Variants in ZNF391 observed in about 807,000 individuals in gnomAD.
ZNF391 encodes zinc finger protein 391.
For missense variants in ZNF391, 375 were observed against 425.5 expected (o/e 0.88, Z 1.04); for synonymous variants, 126 against 142.1 (o/e 0.89, Z 0.80).
chr6:27,396,958 C>T (rs1259561258), intron 1 of ZNF391, among the ~76,000 whole-genome samples: 2 of 152,120 alleles, frequency 1.3e-5, no homozygotes, highest in African/African-American at 4.8e-5. Flanking sequence ...ATTGTGACAA[C>T]CCAAAATAAC....
At chr6:27,381,129 C>T (rs1278080064) in intron 1 of ZNF391, among the ~76,000 whole-genome samples, 10 of 152,192 alleles carry the variant, frequency 6.6e-5, no homozygotes, top group Non-Finnish European at 1.5e-4. Flanking sequence ...CGGCGCTCAT[C>T]GGGGAGGCTT....
At chr6:27,397,007 G>A (rs1005572370) in intron 1 of ZNF391, among the ~76,000 whole-genome samples, 3 of 152,116 alleles carry the variant, frequency 2.0e-5, no homozygotes, top group African/African-American at 7.2e-5. Flanking sequence ...ATGCCATCTT[G>A]AGGAGCACTG....
chr6:27,400,189 G>A, intron 2 of ZNF391, 104 bp from the exon 3 acceptor site: 1 of 517,168 alleles, frequency 1.9e-6, no homozygotes, highest in Non-Finnish European at 3.3e-6. Context: ...ATATAAAGTT[G>A]CTAGTATGCA....
chr6:27,392,434 G>A (rs1761734043), intron 1 of ZNF391, among the ~76,000 whole-genome samples: 1 of 152,034 alleles, frequency 6.6e-6, no homozygotes, highest in Non-Finnish European at 1.5e-5. Flanking sequence ...TTTTATATTT[G>A]TATTAGAGAT....
At chr6:27,388,693 C>G (rs1023014040), upstream of ZNF391, 7 of 330,670 alleles carry the variant, frequency 2.1e-5, no homozygotes, top group South Asian at 1.2e-4. Flanking sequence ...CAGCACAGCC[C>G]TGCTGTAGCT....
chr6:27,375,417 T>C (rs558666829), intron 1 of ZNF391, among the ~76,000 whole-genome samples: 1 of 152,300 alleles, frequency 6.6e-6, no homozygotes, highest in East Asian at 1.9e-4. Context: ...ATAATTTGTA[T>C]GCAGTAAAGT....
intron 1 of ZNF391, among the ~76,000 whole-genome samples, chr6:27,391,969 C>T (rs1039085636): frequency 6.6e-6 from 1 of 152,176 alleles, no homozygotes; most frequent in Non-Finnish European, 1.5e-5. Context: ...GTTCTCTCCC[C>T]TTAGTCTAAG....
rs754377326 is a variant in ZNF391, at chr6:27,400,928, C to T, written c.558C>T (p.Ile186=). 8 of 1,613,932 alleles carry T rather than the reference C, an allele frequency of 5.0e-6. No individual in the cohort carries two copies. The South Asian group carries it at 5.5e-5, about 11-fold the overall frequency. ...CACATCTTAGTCTACATCAGAGAAT[C>T]CATACTGGAGAAAAACCATATGAAT... ...RSTHLSLHQR[I]HTGEKPYECS... Residue 186 remains isoleucine (I), a synonymous_variant, in exon 3 of 3, where the codon ATC becomes ATT. Transcript: ENST00000244576.
chr6:27,391,406 C>G (rs755538457), intron 1 of ZNF391, among the ~76,000 whole-genome samples: 2 of 151,932 alleles, frequency 1.3e-5, no homozygotes, highest in Non-Finnish European at 2.9e-5. Context: ...CAGGGTTTCC[C>G]CATGTTGGCC....
At chr6:27,399,756 T>C (rs1761908183) in intron 2 of ZNF391, among the ~76,000 whole-genome samples, 1 of 152,170 alleles carries the variant, frequency 6.6e-6, no homozygotes, top group South Asian at 2.1e-4. Context: ...ATACCTGAAG[T>C]ATAATAATTG....
rs750189520 is a variant in ZNF391 at position 27,401,157 on chromosome 6, T to G, written c.787T>G (p.Ser263Ala). 24 of 1,614,090 alleles carry G rather than the reference T, an allele frequency of 1.5e-5. No individual in the cohort carries two copies. Among genetic ancestry groups the G allele is most frequent in the Admixed American group, 1.0e-4 (6 of 60,010 alleles). The change falls in exon 3 of 3, where the codon TCG (serine) becomes GCG (alanine). Residue 263 changes from serine to alanine, a missense_variant. Ser to Ala is a moderately conservative substitution (Grantham distance 99). Transcript: ENST00000244576. ...TGGAAAAGCTTTCAGTTGGATCTCA[T>G]CGCTTACTGAACATCAGAGAACACA... Reference protein sequence around the residue: ...KCGKAFSWISSLTEHQRTHTG... With the variant: ...KCGKAFSWISALTEHQRTHTG...
Position 27,400,618 on chromosome 6 carries a change from C to A in ZNF391, c.248C>A (p.Ser83Tyr), listed in dbSNP as rs371037204. The change falls in exon 3 of 3, where the codon TCC becomes TAC. Residue 83 changes from serine (S) to tyrosine (Y), a missense_variant. Transcript: ENST00000244576. ...AQQKIPKGHG[S>Y]PISRKNSKDN... ...CAGAAAATTCCAAAGGGACATGGAT[C>A]CCCAATATCTAGGAAAAACTCCAAA... 1.9e-6 allele frequency: 3 copies of A among 1,614,056 alleles called. No homozygotes were observed. Among genetic ancestry groups the A allele is most frequent in the Non-Finnish European group, 2.5e-6 (3 of 1,180,032 alleles).
At chr6:27,385,444 A>G (rs771222178), upstream of ZNF391, among the ~76,000 whole-genome samples, 1 of 152,216 alleles carries the variant, frequency 6.6e-6, no homozygotes, top group Non-Finnish European at 1.5e-5. Flanking sequence ...GTAAATCAAT[A>G]AAGTTATACC....
intron 1 of ZNF391, among the ~76,000 whole-genome samples, chr6:27,378,309 G>T (rs112328672): frequency 1.3e-5 from 2 of 152,162 alleles, no homozygotes; most frequent in African/African-American, 4.8e-5. Context: ...GAGCAATAAA[G>T]CTTTTTAAAT....
chr6:27,377,660 A>C (rs140122795), intron 1 of ZNF391, among the ~76,000 whole-genome samples: 77 of 152,298 alleles, frequency 5.1e-4, no homozygotes, highest in Middle Eastern at 3.4e-3. Flanking sequence ...TTGATGTCTC[A>C]TGTCTCCCTA....
chr6:27,400,330 A>G lies in ZNF391; in HGVS notation c.-41A>G, dbSNP rs749621260. On this transcript the variant is annotated 5_prime_UTR_variant, in exon 3 of 3. Coordinates refer to ENST00000244576, the MANE Select transcript of ZNF391 (RefSeq NM_001076781.3). ...GAGCTGAACCAAAGCATCAACACCA[A>G]TCAGACTGTTTCCGAAGAACTAGAG... 15 of 1,508,898 alleles carry G rather than the reference A, an allele frequency of 9.9e-6. No homozygotes were observed. The Admixed American group carries it at 2.3e-4, about 23-fold the overall frequency. 93.5% of individuals were successfully genotyped at this position (1,508,898 alleles called of 1,614,324 possible).
chr6:27,377,210 G>A (rs1338428009), intron 1 of ZNF391, among the ~76,000 whole-genome samples: 2 of 152,132 alleles, frequency 1.3e-5, no homozygotes, highest in South Asian at 4.2e-4. Flanking sequence ...AAATAAACTA[G>A]GCAAGATTAA....
Position 27,401,223 on chromosome 6 carries a change from G to A in ZNF391, c.853G>A (p.Val285Met). Residue 285 changes from valine (V) to methionine (M), a missense_variant, in exon 3 of 3, where the codon GTG (valine) becomes ATG (methionine). Physicochemically the swap from Val to Met is conservative, Grantham distance 21. Transcript: ENST00000244576. ...CTATGAGTGCAGTGAATGTGGGAAA[G>A]TGTTCAGTCGAAGCTCGTCTCTTAC... ...NPYECSECGK[V>M]FSRSSSLTEH... is the part of the protein sequence containing the mutation. 1 of 1,614,224 alleles carries A rather than the reference G, an allele frequency of 6.2e-7. No homozygotes were observed. The highest frequency in any genetic ancestry group is 1.1e-5 in the South Asian group (1 of 91,088).
rs1437208287 is a variant in ZNF391, at chr6:27,402,052, CCTT to C, written c.*608_*610del. The C allele has an allele frequency of 2.0e-5, 3 of 152,170 alleles. No homozygotes were observed. Among genetic ancestry groups the C allele is most frequent in the Non-Finnish European group, 4.4e-5 (3 of 68,030 alleles). The allele number at this position is 152,170 out of a possible 1,614,324, so 9.4% of individuals were successfully genotyped here. ...AAAAACAGATTTTTCTCATCTTCCT[CCTT>C]CTCTCACCTTTTTTGCAGTAGCATT... is the stretch of plus-strand genomic sequence containing the variant. On this transcript the variant is annotated 3_prime_UTR_variant, in exon 3 of 3. Transcript: ENST00000244576.
Sources: allele counts gnomAD v4.1 joint callset (sites outside exome capture counted in the v4.1 genomes callset), GRCh38; gene constraint gnomAD v4.1.1; transcripts MANE v1.5; gene names NCBI Gene and HGNC (gene_info 2026-07-23, HGNC 2026-07-21).